The following PHLDB1 variants were observed in gnomAD, a reference collection of about 807,000 sequenced individuals.
PHLDB1 encodes the protein pleckstrin homology like domain family B member 1.
In PHLDB1, 65 loss-of-function variants were observed where a neutral mutation model predicts 139.3. That is an observed-to-expected ratio of 0.47 (90% CI 0.38 to 0.57). PHLDB1 has a LOEUF of 0.57. Ranked by LOEUF, PHLDB1 falls within the 20% of genes least tolerant of loss-of-function variation. The probability of loss-of-function intolerance (pLI) is 0.00; values close to 1 mark genes in which losing one functional copy is unlikely to be tolerated. For synonymous variants in PHLDB1, 679 were observed against 734.5 expected, an observed-to-expected ratio of 0.92 and a Z score of 1.22; for missense variants, 1,624 against 1,839.7, an observed-to-expected ratio of 0.88 and a Z score of 2.14.
In PHLDB1 at chr11:118,656,967, C is replaced by T; in HGVS notation, c.*144C>T. On this transcript the variant is annotated 3_prime_UTR_variant, in exon 23 of 23. Transcript: ENST00000600882. ...AAGAAGAAAAGTAGAGGTGGCTTTG[C>T]TGCCTCCTGGGAGCCCAGAACTTGC... is the stretch of plus-strand genomic sequence containing the variant. 1.4e-6 allele frequency: 1 copy of T among 715,672 alleles called. No individual in the cohort carries two copies. The allele number at this position is 715,672 out of a possible 1,614,324, so 44.3% of individuals were successfully genotyped here. A position where few individuals can be genotyped will look rare whatever the true frequency, so the allele number is the denominator to read the frequency against.
At chr11:118,617,159 A>C (rs1428832876) in intron 4 of PHLDB1, among the ~76,000 whole-genome samples, 1 of 152,206 alleles carries the variant, frequency 6.6e-6, no homozygotes, top group East Asian at 1.9e-4. Flanking sequence ...AGGTGTGCTC[A>C]CCCTGGAAAC....
chr11:118,656,430 G>GC (rs1320158514), intron 22 of PHLDB1, among the ~76,000 whole-genome samples: 1 of 152,170 alleles, frequency 6.6e-6, no homozygotes, highest in Non-Finnish European at 1.5e-5. Flanking sequence ...AAGGACCAGT[G>GC]CCCCCCTTGT....
rs782501083 is a variant in PHLDB1, at chr11:118,627,623, G to A, written c.800G>A (p.Cys267Tyr). Residue 267 changes from cysteine (C) to tyrosine (Y), a missense_variant, in exon 6 of 23, where the codon TGT becomes TAT. Physicochemically the swap from Cys to Tyr is radical, Grantham distance 194. Coordinates refer to ENST00000600882, the MANE Select transcript of PHLDB1 (RefSeq NM_001144758.3). ...PLSSPASSGS[C>Y]ASHSPSGQEP... The stretch of plus-strand genomic sequence containing the variant: ...TCTTCACCAGCCAGCAGTGGAAGCT[G>A]TGCCAGTCACTCACCCAGTGGGCAA... 3 of 1,612,952 alleles carry A rather than the reference G, an allele frequency of 1.9e-6. No individual in the cohort carries two copies. Among genetic ancestry groups the A allele is most frequent in the Non-Finnish European group, 2.5e-6 (3 of 1,180,040 alleles).
chr11:118,647,471 T>C (rs1947697406), intron 17 of PHLDB1: 1 of 154,304 alleles, frequency 6.5e-6, no homozygotes, highest in African/African-American at 2.4e-5. Flanking sequence ...TCCAGCACTT[T>C]GGGAGGCCGA....
intron 1 of PHLDB1, among the ~76,000 whole-genome samples, chr11:118,609,665 G>C (rs1383371526): frequency 1.3e-5 from 2 of 152,194 alleles, no homozygotes; most frequent in Non-Finnish European, 1.5e-5. Context: ...CCCGTTTCCC[G>C]GCCGCGCAAA....
At chr11:118,628,687 G>C (rs1555107114) in intron 6 of PHLDB1, 37 bp downstream of exon 6, 1 of 1,571,962 alleles carries the variant, frequency 6.4e-7, no homozygotes, top group South Asian at 1.2e-5. Context: ...ACTGTCCATG[G>C]CAGAGTCTCT....
chr11:118,650,021 CAG>C lies in PHLDB1; in HGVS notation c.3655-55_3655-54del. The C allele has an allele frequency of 1.5e-6, 2 of 1,290,344 alleles. No individual in the cohort carries two copies. Among genetic ancestry groups the C allele is most frequent in the Non-Finnish European group, 2.3e-6 (2 of 885,006 alleles). 79.9% of individuals were successfully genotyped at this position (1,290,344 alleles called of 1,614,324 possible). A position where few individuals can be genotyped will look rare whatever the true frequency, so the allele number is the denominator to read the frequency against. On this transcript the variant is annotated intron_variant, in intron 18 of 22. Transcript: ENST00000600882. This position sits in a 1 kb window ranked among gnomAD's most constrained non-coding sequence, Gnocchi z 4.7. ...TAGAAGTGAAGCCAAGGGGCCTGGA[CAG>C]GGGAATAATGAGGGAAGAGAGGAGA...
chr11:118,630,166 A>T lies in PHLDB1; in HGVS notation c.1828-1041A>T, dbSNP rs1591593276. On this transcript the variant is annotated intron_variant, in intron 6 of 22. Coordinates refer to ENST00000600882, the MANE Select transcript of PHLDB1 (RefSeq NM_001144758.3). ...GGCCAAACTGTAAGTGATGAGAGAC[A>T]CTTGAGGAGGTCTAGGGACCCTAGA... The T allele has an allele frequency of 3.6e-6, 3 of 827,014 alleles. 1 individual carries two copies. The East Asian group carries it at 1.9e-4, about 52-fold the overall frequency. The allele number at this position is 827,014 out of a possible 1,614,324, so 51.2% of individuals were successfully genotyped here.
intron 1 of PHLDB1, among the ~76,000 whole-genome samples, chr11:118,612,307 T>C (rs1283595055): frequency 6.6e-6 from 1 of 152,150 alleles, no homozygotes; most frequent in Non-Finnish European, 1.5e-5. Flanking sequence ...AAGGATGATG[T>C]TTCTCCTTCA....
chr11:118,628,770 C>T, intron 6 of PHLDB1, 120 bp downstream of exon 6: 4 of 860,414 alleles, frequency 4.6e-6, no homozygotes, highest in Non-Finnish European at 7.0e-6. Flanking sequence ...TCAAGGTTCC[C>T]CACCTCCAGG....
At chr11:118,639,832 C>T (rs1486933003) in intron 12 of PHLDB1, 5 of 980,708 alleles carry the variant, frequency 5.1e-6, no homozygotes, top group Non-Finnish European at 6.0e-6. Context: ...GTGAGGGATG[C>T]AGCCCCTCAC....
In PHLDB1 at chr11:118,650,477, C is replaced by A. The variant is rs1555135353; in HGVS notation, c.3804C>A (p.Gly1268=). ...GTGGCTACTTGGTCAAGATGGGCGG[C>A]AAGATTAAATCATGGAAGAAGCGCT... is the stretch of plus-strand genomic sequence containing the variant. The part of the protein sequence containing the change: ...VCRGYLVKMG[G]KIKSWKKRWF... Residue 1268 remains glycine, a synonymous_variant, in exon 20 of 23, where the codon GGC becomes GGA. Transcript: ENST00000600882. This position sits in a 1 kb window ranked among gnomAD's most constrained non-coding sequence, Gnocchi z 4.7. 6.2e-7 allele frequency: 1 copy of A among 1,614,122 alleles called. No individual in the cohort carries two copies.
chr11:118,632,506 G>A lies in PHLDB1; in HGVS notation c.2379+210G>A. ...TGCCAGGGGCTGGGCTGGTGTCTGG[G>A]GTCTCCTCTGTCTGGGTCTGTGTGC... On this transcript the variant is annotated intron_variant, in intron 9 of 22. Transcript: ENST00000600882. This position sits in a 1 kb window ranked among gnomAD's most constrained non-coding sequence, Gnocchi z 5.9. 3.3e-6 allele frequency: 2 copies of A among 613,676 alleles called. No homozygotes were observed. Among genetic ancestry groups the A allele is most frequent in the Admixed American group, 2.9e-5 (1 of 34,404 alleles). 38.0% of individuals were successfully genotyped at this position (613,676 alleles called of 1,614,324 possible).
intron 15 of PHLDB1, chr11:118,644,424 T>G: frequency 1.9e-6 from 1 of 532,854 alleles, no homozygotes; most frequent in Non-Finnish European, 3.4e-6. Flanking sequence ...ATAAGGGAAC[T>G]GCTTGTTGAC....
chr11:118,614,644 G>T lies in PHLDB1; in HGVS notation c.146G>T (p.Arg49Leu), dbSNP rs782059862. 2.5e-6 allele frequency: 4 copies of T among 1,613,842 alleles called. No homozygotes were observed. In the Admixed American group the frequency reaches 6.7e-5, roughly 27 times the overall value. The part of the protein sequence containing the change: ...KPHLVSLGSG[R>L]LSTAITLLPL... ...CACCTGGTGAGCCTGGGCAGTGGGC[G>T]ACTCAGCACAGCCATCACCCTCCTG... The change falls in exon 3 of 23, where the codon CGA (arginine) becomes CTA (leucine). Residue 49 changes from arginine to leucine, a missense_variant. Arg to Leu is a moderately radical substitution (Grantham distance 102). Transcript: ENST00000600882.
intron 20 of PHLDB1, chr11:118,654,529 TAGG>T (rs1209987910): frequency 6.6e-6 from 1 of 152,168 alleles, no homozygotes; most frequent in Non-Finnish European, 1.5e-5. Flanking sequence ...AGAGTTTCTA[TAGG>T]AGAATATAAA....
chr11:118,610,962 G>C lies in PHLDB1; in HGVS notation c.-21-2854G>C, dbSNP rs1940113210. Among the ~76,000 whole-genome samples, 1 of 152,172 alleles carries C rather than the reference G, an allele frequency of 6.6e-6. No homozygotes were observed. Among genetic ancestry groups the C allele is most frequent in the Admixed American group, 6.5e-5 (1 of 15,286 alleles). On this transcript the variant is annotated intron_variant, in intron 1 of 22. Coordinates refer to ENST00000600882, the MANE Select transcript of PHLDB1 (RefSeq NM_001144758.3). The surrounding 1 kb of genome is among the most constrained non-coding windows in gnomAD (Gnocchi z 8.7). ...TGGGGCGTCTGTACCCAGCGTGCGG[G>C]AGGGCACCCAGGGCCGGACGCGCAC...
In PHLDB1 at chr11:118,631,426, G is replaced by C. The variant is rs1555110337; in HGVS notation, c.2047G>C (p.Asp683His). The C allele has an allele frequency of 6.9e-7, 1 of 1,455,120 alleles. No homozygotes were observed. The highest frequency in any genetic ancestry group is 9.1e-7 in the Non-Finnish European group (1 of 1,103,144). 90.1% of individuals were successfully genotyped at this position (1,455,120 alleles called of 1,614,324 possible). Reference protein sequence around the residue: ...QRLWESMERSDEENLKEECSS... With the variant: ...QRLWESMERSHEENLKEECSS... ...CCTATGGGAGAGTATGGAGCGCTCA[G>C]ATGAGGAAAATCTCAAGGAGGAGTG... Residue 683 changes from aspartate (D) to histidine (H), a missense_variant, in exon 7 of 23, where the codon GAT (aspartate) becomes CAT (histidine). Asp to His is a moderately conservative substitution (Grantham distance 81). Coordinates refer to ENST00000600882, the MANE Select transcript of PHLDB1 (RefSeq NM_001144758.3).
intron 17 of PHLDB1, chr11:118,646,780 G>A (rs1332290740): frequency 2.6e-5 from 4 of 152,172 alleles, no homozygotes; most frequent in Admixed American, 2.6e-4. Context: ...TGAGATGAGA[G>A]TGGGACGCAG....
Sources: allele counts gnomAD v4.1 joint callset (sites outside exome capture counted in the v4.1 genomes callset), GRCh38; gene constraint gnomAD v4.1.1; non-coding constraint Gnocchi (gnomAD v3.1); transcripts MANE v1.5; gene names NCBI Gene and HGNC (gene_info 2026-07-23, HGNC 2026-07-21).